RABGAP1: variants seen among roughly 807,000 people sequenced by gnomAD.
RABGAP1 encodes the protein RAB GTPase activating protein 1, also known as rab GTPase-activating protein 1.
A neutral mutation model predicts 137.6 loss-of-function variants in RABGAP1; 23 were observed. The observed-to-expected ratio is 0.17, with a 90% confidence interval of 0.12 to 0.24. The LOEUF (loss-of-function observed/expected upper bound fraction) is 0.24. Among genes scored for constraint, RABGAP1 ranks in the 10% least tolerant of loss-of-function variants. The pLI is 1.00. For missense variants in RABGAP1, 906 were observed against 1,275.8 expected (o/e 0.71, Z 4.42); for synonymous variants, 451 against 450.7 (o/e 1.00, Z -0.01).
chr9:123,056,674 TGATGACTCTTAAC>T (rs1299194672), intron 13 of RABGAP1, among the ~76,000 whole-genome samples: 1 of 151,858 alleles, frequency 6.6e-6, no homozygotes, highest in Non-Finnish European at 1.5e-5. Context: ...TAGGGAGTGG[TGATGACTCTTAAC>T]GAGCATGCTG....
intron 10 of RABGAP1, among the ~76,000 whole-genome samples, chr9:123,006,815 G>A (rs143373962): frequency 6.6e-6 from 1 of 152,082 alleles, no homozygotes; most frequent in African/African-American, 2.4e-5. Context: ...TACCATGTTG[G>A]TTAGGGTAGT....
chr9:123,002,562 G>A (rs1292153702), intron 10 of RABGAP1, among the ~76,000 whole-genome samples: 1 of 151,378 alleles, frequency 6.6e-6, no homozygotes, highest in African/African-American at 2.4e-5. Context: ...GACTGCATGG[G>A]TTTACAAGGT....
At chr9:123,046,150 A>C (rs1375306707) in intron 13 of RABGAP1, among the ~76,000 whole-genome samples, 1 of 152,178 alleles carries the variant, frequency 6.6e-6, no homozygotes, top group African/African-American at 2.4e-5. Flanking sequence ...TACATTTTGC[A>C]GTAGGGTTAG....
chr9:122,945,163 T>TTTTTTTTTTTTTTTTTTTTTTG (rs1833881317), intron 1 of RABGAP1, among the ~76,000 whole-genome samples: 2 of 144,214 alleles, frequency 1.4e-5, no homozygotes, highest in Admixed American at 7.1e-5. Context: ...TTTTTTTTTT[T>TTTTTTTTTTTTTTTTTTTTTTG]AGCATAAACT....
chr9:123,017,139 G>A (rs1184349715), intron 12 of RABGAP1, among the ~76,000 whole-genome samples: 4 of 152,078 alleles, frequency 2.6e-5, no homozygotes, highest in Non-Finnish European at 5.9e-5. Context: ...GGAGTGTTTG[G>A]GATGCTGCTG....
chr9:122,979,141 A>T (rs558937305), intron 2 of RABGAP1, among the ~76,000 whole-genome samples: 1 of 152,062 alleles, frequency 6.6e-6, no homozygotes, highest in Non-Finnish European at 1.5e-5. Context: ...CACACAGTCC[A>T]CCTGCCTCAG....
chr9:123,054,585 G>A (rs1217516843), intron 13 of RABGAP1, among the ~76,000 whole-genome samples: 1 of 152,058 alleles, frequency 6.6e-6, no homozygotes, highest in Non-Finnish European at 1.5e-5. Context: ...ATATTGAGAT[G>A]TTGTTAACTA....
chr9:122,941,542 C>T (rs1199887578), intron 1 of RABGAP1, among the ~76,000 whole-genome samples: 1 of 152,238 alleles, frequency 6.6e-6, no homozygotes, highest in Admixed American at 6.5e-5. Flanking sequence ...TAGCCTGGGC[C>T]TCAGGCTGTC....
chr9:123,070,295 T>C lies in RABGAP1; in HGVS notation c.1909-55T>C. On this transcript the variant is annotated intron_variant, in intron 14 of 25. Coordinates refer to ENST00000373647, the MANE Select transcript of RABGAP1 (RefSeq NM_012197.4). This position sits in a 1 kb window ranked among gnomAD's most constrained non-coding sequence, Gnocchi z 4.4. ...TATTCAAGGTCCTATAGTGCCACCA[T>C]GGCCCACAAGTGGCTACATTCATTT... 1.2e-6 allele frequency: 2 copies of C among 1,610,826 alleles called. No homozygotes were observed. The highest frequency in any genetic ancestry group is 2.2e-5 in the South Asian group (2 of 90,562).
chr9:123,015,230 T>C (rs1405311759), intron 11 of RABGAP1, among the ~76,000 whole-genome samples: 1 of 152,026 alleles, frequency 6.6e-6, no homozygotes, highest in Non-Finnish European at 1.5e-5. Flanking sequence ...GCTGTTTGCT[T>C]TGGAAAATGA....
intron 2 of RABGAP1, among the ~76,000 whole-genome samples, chr9:122,980,274 A>G (rs1368996402): frequency 6.6e-6 from 1 of 151,996 alleles, no homozygotes; most frequent in Non-Finnish European, 1.5e-5. Flanking sequence ...TCTTTTATCC[A>G]CTCATTCATT....
intron 3 of RABGAP1, 103 bp downstream of exon 3, chr9:122,984,822 T>C (rs1468360124): frequency 5.6e-6 from 6 of 1,074,652 alleles, no homozygotes; most frequent in Non-Finnish European, 6.6e-6. Context: ...AACCATTGTC[T>C]ACAAAAACAG....
At chr9:123,063,186 G>A (rs965350294) in intron 13 of RABGAP1, 11 of 152,478 alleles carry the variant, frequency 7.2e-5, no homozygotes, top group African/African-American at 2.4e-4. Flanking sequence ...TATTTTGAAC[G>A]TTTCCATATT....
the RABGAP1 span, among the ~76,000 whole-genome samples, chr9:122,932,730 C>T: frequency 6.6e-6 from 1 of 151,682 alleles, no homozygotes; most frequent in Non-Finnish European, 1.5e-5. Flanking sequence ...CGTGGTTTCT[C>T]CGTGTTGGTC....
At chr9:123,078,392 A>G (rs1256186240) in intron 19 of RABGAP1, among the ~76,000 whole-genome samples, 1 of 152,112 alleles carries the variant, frequency 6.6e-6, no homozygotes, top group Non-Finnish European at 1.5e-5. Context: ...AAGTGCTTTT[A>G]TATGTGGGGA....
At chr9:123,067,786 GAA>G (rs2034224885) in intron 14 of RABGAP1, among the ~76,000 whole-genome samples, 1 of 152,168 alleles carries the variant, frequency 6.6e-6, no homozygotes, top group African/African-American at 2.4e-5. Context: ...CAGCCAACAT[GAA>G]ACTTATACTC....
intron 13 of RABGAP1, among the ~76,000 whole-genome samples, chr9:123,051,106 C>A (rs915534703): frequency 1.4e-5 from 2 of 142,288 alleles, no homozygotes; most frequent in Admixed American, 7.1e-5. Flanking sequence ...AAAGAATACT[C>A]AATTTTTTTT....
rs572376418 is a variant in RABGAP1 at position 123,031,877 on chromosome 9, A to G, written c.1794+11418A>G. Among the ~76,000 whole-genome samples the G allele has an allele frequency of 5.9e-5, 9 of 152,362 alleles. No individual in the cohort carries two copies. In the East Asian group the frequency reaches 1.7e-3, roughly 29 times the overall value. On this transcript the variant is annotated intron_variant, in intron 13 of 25. Transcript: ENST00000373647. ...AAATTGTAGATGGAAAAGGGAGCTT[A>G]GGAGTGAAGTCAGGGCTGGAGACCT...
At chr9:122,989,894 A>G (rs966353060) in intron 5 of RABGAP1, 162 bp from the exon 6 acceptor site, 12 of 723,606 alleles carry the variant, frequency 1.7e-5, no homozygotes, top group East Asian at 2.8e-5. Context: ...GGACATTTTT[A>G]GTGTTGCTTG....
Sources: gnomAD v4.1 joint callset for allele counts (sites outside exome capture counted in the v4.1 genomes callset) on GRCh38, gnomAD v4.1.1 for gene constraint, Gnocchi (gnomAD v3.1) non-coding constraint, MANE v1.5 for transcripts, NCBI Gene and HGNC (gene_info 2026-07-23, HGNC 2026-07-21) for gene names.